The following CREB3L1 variants were observed in gnomAD, a reference collection of about 807,000 sequenced individuals.
CREB3L1 encodes the protein cAMP responsive element binding protein 3 like 1, also known as cyclic AMP-responsive element-binding protein 3-like protein 1.
A neutral mutation model predicts 54.5 loss-of-function variants in CREB3L1; 33 were observed. That is an observed-to-expected ratio of 0.61 (90% CI 0.46 to 0.81). CREB3L1 has a LOEUF of 0.81. Ranked by LOEUF, CREB3L1 falls within the 30% of genes least tolerant of loss-of-function variation. The pLI, the probability that CREB3L1 is intolerant of heterozygous loss-of-function variation, is 0.00. For synonymous variants in CREB3L1, 284 were observed against 286.4 expected, an observed-to-expected ratio of 0.99 and a Z score of 0.08; for missense variants, 656 against 673.3, an observed-to-expected ratio of 0.97 and a Z score of 0.29.
At chr11:46,301,667 A>G (rs1939304783) in intron 2 of CREB3L1, among the ~76,000 whole-genome samples, 1 of 151,706 alleles carries the variant, frequency 6.6e-6, no homozygotes, top group South Asian at 2.1e-4. Flanking sequence ...CGTCCCAAAA[A>G]AAAAAAATAG....
At chr11:46,279,137 G>C (rs1938930035) in intron 1 of CREB3L1, among the ~76,000 whole-genome samples, 1 of 152,108 alleles carries the variant, frequency 6.6e-6, no homozygotes, top group Non-Finnish European at 1.5e-5. Context: ...CCTCTTCAGT[G>C]AACCACCAGT....
At chr11:46,320,165 T>A in intron 10 of CREB3L1, 99 bp from the exon 11 acceptor site, 1 of 1,328,132 alleles carries the variant, frequency 7.5e-7, no homozygotes, top group Non-Finnish European at 1.0e-6. Context: ...GAGCTGGGAC[T>A]CAGATCCAGG....
Position 46,316,053 on chromosome 11 carries a change from T to C in CREB3L1, c.1032-233T>C, listed in dbSNP as rs75370801. The C allele has an allele frequency of 7.8e-3, 3,529 of 450,904 alleles. 108 individuals are homozygous for C. Among genetic ancestry groups the C allele is most frequent in the African/African-American group, 0.062 (3,089 of 49,496 alleles). 27.9% of individuals were successfully genotyped at this position (450,904 alleles called of 1,614,324 possible). On this transcript the variant is annotated intron_variant, in intron 8 of 11. Coordinates refer to ENST00000621158, the MANE Select transcript of CREB3L1 (RefSeq NM_052854.4). ...CCTCCAACCCCCTTGGCCAGGAGCATCACAGGGCAGGCCTGAGCTTCCACA... is the reference window on the plus strand; with the variant it reads ...CCTCCAACCCCCTTGGCCAGGAGCACCACAGGGCAGGCCTGAGCTTCCACA...
rs1939634423 is a variant in CREB3L1, at chr11:46,320,499, C to T, written c.1494C>T (p.Phe498=). The stretch of plus-strand genomic sequence containing the variant: ...GTGGAAACGGCACCAGCCCCGACTT[C>T]TCCCACTCCAAGGAGTGGTTCCACG... The part of the protein sequence containing the change: ...KDGGNGTSPD[F]SHSKEWFHDR... Residue 498 remains phenylalanine, a synonymous_variant, in exon 11 of 12, where the codon TTC becomes TTT. Transcript: ENST00000621158. The T allele has an allele frequency of 6.3e-7, 1 of 1,580,442 alleles. No homozygotes were observed. The highest frequency in any genetic ancestry group is 8.6e-7 in the Non-Finnish European group (1 of 1,165,096).
intron 8 of CREB3L1, among the ~76,000 whole-genome samples, chr11:46,313,715 C>T (rs1030257748): frequency 5.9e-5 from 9 of 151,926 alleles, no homozygotes; most frequent in African/African-American, 1.9e-4. Flanking sequence ...TCTCTCCAGA[C>T]TTACTGAGCT....
chr11:46,305,350 C>T (rs916488112), intron 2 of CREB3L1, among the ~76,000 whole-genome samples: 1 of 152,020 alleles, frequency 6.6e-6, no homozygotes, highest in Non-Finnish European at 1.5e-5. Flanking sequence ...CCCCACCGCT[C>T]CCCACCGCCG....
chr11:46,308,088 G>A (rs1409252620), intron 3 of CREB3L1, 88 bp downstream of exon 3: 47 of 1,237,234 alleles, frequency 3.8e-5, no homozygotes, highest in Non-Finnish European at 4.8e-5. Context: ...CTGTGCCCTG[G>A]GGCTCTGTGA....
intron 2 of CREB3L1, among the ~76,000 whole-genome samples, chr11:46,305,852 C>T (rs1340542468): frequency 6.6e-6 from 1 of 150,770 alleles, no homozygotes; most frequent in Non-Finnish European, 1.5e-5. Context: ...ATTCTCCTGC[C>T]TCAGCGTCCC....
intron 10 of CREB3L1, among the ~76,000 whole-genome samples, chr11:46,318,564 T>G (rs952135335): frequency 3.9e-5 from 6 of 152,216 alleles, no homozygotes; most frequent in African/African-American, 1.4e-4. Flanking sequence ...ACACTCAGTC[T>G]CTTAGAGCTC....
At chr11:46,287,446 A>C (rs1475944370) in intron 1 of CREB3L1, among the ~76,000 whole-genome samples, 1 of 151,996 alleles carries the variant, frequency 6.6e-6, no homozygotes, top group Non-Finnish European at 1.5e-5. Context: ...CTACAGGGAC[A>C]TACCACCATG....
intron 1 of CREB3L1, among the ~76,000 whole-genome samples, chr11:46,286,230 A>C (rs1590338447): frequency 6.6e-6 from 1 of 152,210 alleles, no homozygotes; most frequent in African/African-American, 2.4e-5. Context: ...GGGACGATAG[A>C]GGAATGAATA....
intron 1 of CREB3L1, among the ~76,000 whole-genome samples, chr11:46,285,302 C>T (rs1363273829): frequency 6.6e-6 from 1 of 152,214 alleles, no homozygotes; most frequent in African/African-American, 2.4e-5. Context: ...AGTCTCAGCA[C>T]TCCTGGGGGC....
intron 1 of CREB3L1, among the ~76,000 whole-genome samples, chr11:46,298,515 T>C (rs891209798): frequency 2.0e-5 from 3 of 152,146 alleles, no homozygotes; most frequent in Non-Finnish European, 4.4e-5. Context: ...CTAGCCAACA[T>C]GGTGAAACCC....
intron 1 of CREB3L1, among the ~76,000 whole-genome samples, chr11:46,291,590 C>T (rs1008988990): frequency 1.3e-5 from 2 of 152,098 alleles, no homozygotes; most frequent in African/African-American, 4.8e-5. Context: ...CCTTTCAGTT[C>T]GAAAATTGTA....
intron 1 of CREB3L1, among the ~76,000 whole-genome samples, chr11:46,281,477 G>A (rs577767579): frequency 6.6e-6 from 1 of 152,350 alleles, no homozygotes; most frequent in East Asian, 1.9e-4. Context: ...GTGGGGAGGA[G>A]AAGGAGGAGG....
chr11:46,284,032 G>A lies in CREB3L1; in HGVS notation c.102+5819G>A, dbSNP rs141716549. On this transcript the variant is annotated intron_variant, in intron 1 of 11. Coordinates refer to ENST00000621158, the MANE Select transcript of CREB3L1 (RefSeq NM_052854.4). Reference sequence around the variant, plus strand: ...CCCCGATATGTTGTGAGGTCCCTCCGGCTTCCCTGGACCAGCTGGGAATTC... The same window carrying A: ...CCCCGATATGTTGTGAGGTCCCTCCAGCTTCCCTGGACCAGCTGGGAATTC... Among the ~76,000 whole-genome samples the A allele has an allele frequency of 2.0e-3, 301 of 152,240 alleles. 2 individuals carry two copies. The highest frequency in any genetic ancestry group is 0.01 in the Middle Eastern group (3 of 294).
chr11:46,291,684 G>A (rs980141114), intron 1 of CREB3L1, among the ~76,000 whole-genome samples: 1 of 152,214 alleles, frequency 6.6e-6, no homozygotes, highest in African/African-American at 2.4e-5. Flanking sequence ...AAGGAAGGCA[G>A]AGACAGCTGG....
At chr11:46,287,962 T>TGA (rs201338732) in intron 1 of CREB3L1, among the ~76,000 whole-genome samples, 2,452 of 151,488 alleles carry the variant, frequency 0.016, 24 homozygotes, top group Non-Finnish European at 0.024. Flanking sequence ...AGCAACAGAC[T>TGA]GAGATTCTGT....
intron 2 of CREB3L1, among the ~76,000 whole-genome samples, chr11:46,304,284 C>T (rs1939344427): frequency 6.6e-6 from 1 of 152,126 alleles, no homozygotes; most frequent in African/African-American, 2.4e-5. Context: ...GCCAGCCTAA[C>T]CAACATGGAG....
Sources: gnomAD v4.1 joint callset for allele counts (sites outside exome capture counted in the v4.1 genomes callset) on GRCh38, gnomAD v4.1.1 for gene constraint, MANE v1.5 for transcripts, NCBI Gene and HGNC (gene_info 2026-07-23, HGNC 2026-07-21) for gene names.